Variants in OVCH2 observed in about 807,000 individuals in gnomAD.
OVCH2 encodes the protein ovochymase-2.
In OVCH2, 88 loss-of-function variants were observed where a neutral mutation model predicts 73.7. The observed-to-expected ratio is 1.19, with a 90% confidence interval of 1.01 to 1.43. The LOEUF is 1.43. Among genes scored for constraint, OVCH2 ranks in the 40% most tolerant of loss-of-function variants. The pLI is 0.00. For missense variants in OVCH2, 706 were observed against 674.5 expected (o/e 1.05, Z -0.52); for synonymous variants, 265 against 234.5 (o/e 1.13, Z -1.19).
the OVCH2 span, among the ~76,000 whole-genome samples, chr11:7,684,103 T>C: frequency 6.6e-6 from 1 of 152,032 alleles, no homozygotes; most frequent in East Asian, 1.9e-4. Context: ...TCTATTTTTC[T>C]TACTGCAGAA....
chr11:7,704,245 G>T (rs1215883135), intron 2 of OVCH2, among the ~76,000 whole-genome samples: 1 of 152,074 alleles, frequency 6.6e-6, no homozygotes, highest in Admixed American at 6.6e-5. Context: ...TTAGGGAAAT[G>T]GTTTGGATCT....
At chr11:7,679,798 A>G in the OVCH2 span, among the ~76,000 whole-genome samples, 2 of 152,198 alleles carry the variant, frequency 1.3e-5, no homozygotes, top group East Asian at 3.8e-4. Flanking sequence ...GGGGAAAGGG[A>G]CTGAAAGATG....
At chr11:7,679,708 T>C in the OVCH2 span, among the ~76,000 whole-genome samples, 2 of 152,224 alleles carry the variant, frequency 1.3e-5, no homozygotes, top group African/African-American at 4.8e-5. Context: ...CTCAGGGATG[T>C]TCTTTGTAGC....
At position 7,700,415 on chromosome 11, in the gene OVCH2, C is replaced by A; in HGVS notation, c.782G>T (p.Trp261Leu). 1.9e-6 allele frequency: 3 copies of A among 1,612,854 alleles called. No homozygotes were observed. The highest frequency in any genetic ancestry group is 2.5e-6 in the Non-Finnish European group (3 of 1,179,456). ...GAWTLAGVTS[W>L]GLGCGRGWRN... Reference sequence around the variant, plus strand: ...CCAGCCTCGACCACAGCCCAAACCCCAGGAAGTCACACCAGCCAGAGTCCA... The same window carrying A: ...CCAGCCTCGACCACAGCCCAAACCCAAGGAAGTCACACCAGCCAGAGTCCA... The change falls in exon 7 of 16, where the codon TGG becomes TTG. Residue 261 changes from tryptophan (W) to leucine (L), a missense_variant. Trp to Leu is a moderately conservative substitution (Grantham distance 61). Coordinates refer to ENST00000533663, the MANE Select transcript of OVCH2 (RefSeq NM_198185.7).
At chr11:7,688,557 T>C (rs1402388326), downstream of OVCH2, among the ~76,000 whole-genome samples, 1 of 152,168 alleles carries the variant, frequency 6.6e-6, no homozygotes, top group African/African-American at 2.4e-5. Context: ...ACTGCTTTCA[T>C]CCCTTCTTAT....
At chr11:7,683,622 T>TA in the OVCH2 span, among the ~76,000 whole-genome samples, 3 of 152,176 alleles carry the variant, frequency 2.0e-5, no homozygotes, top group Non-Finnish European at 4.4e-5. Flanking sequence ...CCATTCCACT[T>TA]AGAGTAAAAG....
chr11:7,702,163 G>C lies in OVCH2; in HGVS notation c.457C>G (p.Gln153Glu), dbSNP rs749353800. Residue 153 changes from glutamine to glutamate, a missense_variant, in exon 4 of 16, where the codon CAA (glutamine) becomes GAA (glutamate). By Grantham distance (29) the Gln-to-Glu change is conservative (BLOSUM62 2). Transcript: ENST00000533663. ...IALLKMAGAF[Q>E]FGHFVGPICL... is the part of the protein sequence containing the mutation. ...ATGATCCTCAAATGTTTACCAAATTGGAAGGCTCCAGCCATCTTCAAAAGG... is the reference window on the plus strand; with the variant it reads ...ATGATCCTCAAATGTTTACCAAATTCGAAGGCTCCAGCCATCTTCAAAAGG... The C allele has an allele frequency of 6.2e-7, 1 of 1,607,598 alleles. No individual in the cohort carries two copies. The highest frequency in any genetic ancestry group is 1.1e-5 in the South Asian group (1 of 90,580).
downstream of OVCH2, among the ~76,000 whole-genome samples, chr11:7,688,172 C>T (rs1856163859): frequency 6.6e-6 from 1 of 152,056 alleles, no homozygotes; most frequent in Admixed American, 6.6e-5. Context: ...TTGGTCTTCC[C>T]TTTTCTCTTT....
the OVCH2 span, among the ~76,000 whole-genome samples, chr11:7,681,331 T>C: frequency 4.6e-5 from 7 of 152,210 alleles, no homozygotes; most frequent in African/African-American, 1.4e-4. Context: ...TATAAAGCAA[T>C]GGCAATATTT....
chr11:7,700,247 G>C (rs548031663), intron 7 of OVCH2, 49 bp downstream of exon 7: 1 of 1,573,058 alleles, frequency 6.4e-7, no homozygotes, highest in South Asian at 1.2e-5. Flanking sequence ...TGCTGTCTCT[G>C]GCCCTAGCAG....
chr11:7,702,202 C>G lies in OVCH2; in HGVS notation c.418G>C (p.Asp140His). ...HPHFSTKKPM[D>H]YDIALLKMAG... ...ATCTTCAAAAGGGCAATATCATAGT[C>G]CATTGGTTTCTTGGTGGAGAAATGT... is the stretch of plus-strand genomic sequence containing the variant. Residue 140 changes from aspartate to histidine, a missense_variant, in exon 4 of 16, where the codon GAC becomes CAC. By Grantham distance (81) the Asp-to-His change is moderately conservative. Coordinates refer to ENST00000533663, the MANE Select transcript of OVCH2 (RefSeq NM_198185.7). 6.2e-7 allele frequency: 1 copy of G among 1,612,478 alleles called. No individual in the cohort carries two copies. The highest frequency in any genetic ancestry group is 1.3e-5 in the African/African-American group (1 of 74,896).
At chr11:7,688,736 C>T (rs189618791), downstream of OVCH2, among the ~76,000 whole-genome samples, 45 of 152,362 alleles carry the variant, frequency 3.0e-4, no homozygotes, top group African/African-American at 9.9e-4. Context: ...GCCTGCTCTC[C>T]TCACCACTGT....
At chr11:7,690,117 C>A (rs1333787276) in intron 14 of OVCH2, 104 bp from the exon 15 acceptor site, 17 of 800,958 alleles carry the variant, frequency 2.1e-5, no homozygotes, top group Non-Finnish European at 3.2e-5. Flanking sequence ...TTCTGGGGCA[C>A]CTCAGCCAGC....
At chr11:7,685,284 C>T (rs542729197), downstream of OVCH2, among the ~76,000 whole-genome samples, 2 of 151,964 alleles carry the variant, frequency 1.3e-5, no homozygotes, top group African/African-American at 2.4e-5. Context: ...AGACTTGTAC[C>T]GAACTACGTG....
In OVCH2 at chr11:7,698,295, G is replaced by A. The variant is rs535519550; in HGVS notation, c.925+455C>T. 4.2e-4 allele frequency among the ~76,000 whole-genome samples: 64 copies of A among 152,250 alleles called. No homozygotes were observed. In the South Asian group the frequency reaches 0.012, roughly 30 times the overall value. On this transcript the variant is annotated intron_variant, in intron 8 of 15. Coordinates refer to ENST00000533663, the MANE Select transcript of OVCH2 (RefSeq NM_198185.7). ...AGAACAACTAAAGATTTGAACTAAA[G>A]TGTCTTAGAGACCATCTGGCCCACA...
At position 7,700,351 on chromosome 11, in the gene OVCH2, C is replaced by A; in HGVS notation, c.846G>T (p.Gly282=). The change falls in exon 7 of 16, where the codon GGG becomes GGT. Residue 282 remains glycine, a synonymous_variant. Transcript: ENST00000533663. ...GCACTTTACTAATGTCTGTGAAGAT[C>A]CCAGGGGATCCTTGATCACTTTTCC... The part of the protein sequence containing the change: ...NVRKSDQGSP[G]IFTDISKVLP... The A allele has an allele frequency of 6.2e-7, 1 of 1,613,776 alleles. No homozygotes were observed. The highest frequency in any genetic ancestry group is 8.5e-7 in the Non-Finnish European group (1 of 1,179,820).
chr11:7,684,844 A>T (rs963746951), downstream of OVCH2, among the ~76,000 whole-genome samples: 3 of 152,072 alleles, frequency 2.0e-5, no homozygotes, highest in Non-Finnish European at 4.4e-5. Flanking sequence ...AGGCACAGAG[A>T]GTCTGGGAAG....
At chr11:7,706,238 C>T (rs527961972) in intron 1 of OVCH2, 69 bp downstream of exon 1, 46 of 1,405,252 alleles carry the variant, frequency 3.3e-5, no homozygotes, top group Middle Eastern at 3.5e-4. Flanking sequence ...CATGGAGTCT[C>T]GGAGTTGTGA....
chr11:7,695,771 A>T, intron 10 of OVCH2, 61 bp from the exon 11 acceptor site: 1 of 1,547,450 alleles, frequency 6.5e-7, no homozygotes, highest in Non-Finnish European at 8.7e-7. Flanking sequence ...CCATTCAATG[A>T]TTTAAGAAGA....
Sources: gnomAD v4.1 joint callset for allele counts (sites outside exome capture counted in the v4.1 genomes callset) on GRCh38, gnomAD v4.1.1 for gene constraint, MANE v1.5 for transcripts, NCBI Gene and HGNC (gene_info 2026-07-23, HGNC 2026-07-21) for gene names.